Variants in RFX3 observed in about 807,000 individuals in gnomAD.
RFX3 encodes regulatory factor X3.
In RFX3, 14 loss-of-function variants were observed where a neutral mutation model predicts 98.6. The observed-to-expected ratio is 0.14, with a 90% CI of 0.09 to 0.22. The LOEUF is 0.22. Among genes scored for constraint, RFX3 ranks in the 10% least tolerant of loss-of-function variants. The probability of loss-of-function intolerance (pLI) is 1.00; values close to 1 mark genes in which losing one functional copy is unlikely to be tolerated. For synonymous variants in RFX3, 383 were observed against 328.4 expected (o/e 1.17, Z -1.80); for missense variants, 639 against 926.9 (o/e 0.69, Z 4.03).
intron 1 of RFX3, among the ~76,000 whole-genome samples, chr9:3,486,062 T>C (rs1587834668): frequency 6.9e-6 from 1 of 144,460 alleles, no homozygotes; most frequent in Middle Eastern, 3.6e-3. Context: ...GAGGCGGAGG[T>C]TGCAGTGAGC....
intron 1 of RFX3, among the ~76,000 whole-genome samples, chr9:3,448,787 T>G (rs767640530): frequency 1.1e-3 from 170 of 152,200 alleles, no homozygotes; most frequent in Non-Finnish European, 2.1e-3. Flanking sequence ...CCCAAAGCAC[T>G]GGGTTTGCAA....
intron 4 of RFX3, among the ~76,000 whole-genome samples, chr9:3,325,345 C>G (rs1831791005): frequency 6.6e-6 from 1 of 151,982 alleles, no homozygotes; most frequent in African/African-American, 2.4e-5. Flanking sequence ...CTAGGCCAAA[C>G]TTTTACTTAT....
At chr9:3,381,627 A>G (rs1839204496) in intron 2 of RFX3, among the ~76,000 whole-genome samples, 1 of 152,154 alleles carries the variant, frequency 6.6e-6, no homozygotes, top group Non-Finnish European at 1.5e-5. Context: ...TTAAGAATAT[A>G]ATTCCATTCA....
chr9:3,329,424 AAAAAC>A (rs1369764820), intron 4 of RFX3, among the ~76,000 whole-genome samples: 6 of 150,128 alleles, frequency 4.0e-5, no homozygotes, highest in South Asian at 2.1e-4. Context: ...AAAAAAAAAA[AAAAAC>A]AAAAAACCAC....
At chr9:3,246,129 TG>T (rs1199168648) in intron 15 of RFX3, among the ~76,000 whole-genome samples, 1 of 152,156 alleles carries the variant, frequency 6.6e-6, no homozygotes, top group African/African-American at 2.4e-5. Context: ...GGGTAAATAA[TG>T]GATGAGCATA....
chr9:3,319,109 A>G (rs930145425), intron 4 of RFX3, among the ~76,000 whole-genome samples: 2 of 152,256 alleles, frequency 1.3e-5, no homozygotes, highest in East Asian at 3.8e-4. Context: ...TGCATTTTGC[A>G]GTTTATTCTG....
chr9:3,503,655 C>G (rs529651532), intron 1 of RFX3, among the ~76,000 whole-genome samples: 1 of 152,122 alleles, frequency 6.6e-6, no homozygotes, highest in East Asian at 1.9e-4. Flanking sequence ...AATTTGCCTC[C>G]ATTAGTAACT....
intron 1 of RFX3, among the ~76,000 whole-genome samples, chr9:3,437,880 A>G (rs1332783975): frequency 6.6e-6 from 1 of 152,052 alleles, no homozygotes; most frequent in Non-Finnish European, 1.5e-5. Flanking sequence ...ATGCTTCTCA[A>G]TTTTTTGAAA....
At chr9:3,330,662 C>G in intron 3 of RFX3, 145 bp from the exon 4 acceptor site, 1 of 703,570 alleles carries the variant, frequency 1.4e-6, no homozygotes, top group East Asian at 2.7e-5. Context: ...AAACTTCATT[C>G]CCAGAAACAG....
chr9:3,383,922 T>TA (rs1188697539), intron 2 of RFX3, among the ~76,000 whole-genome samples: 3 of 151,988 alleles, frequency 2.0e-5, no homozygotes, highest in Non-Finnish European at 2.9e-5. Context: ...GCCCTGGATT[T>TA]AAAAAAAGGT....
At chr9:3,349,935 T>C (rs921663812) in intron 2 of RFX3, among the ~76,000 whole-genome samples, 2 of 152,068 alleles carry the variant, frequency 1.3e-5, no homozygotes, top group Non-Finnish European at 1.5e-5. Flanking sequence ...AATAAAATTG[T>C]AAACCTGTTT....
intron 1 of RFX3, among the ~76,000 whole-genome samples, chr9:3,460,017 G>C (rs1157217632): frequency 6.6e-6 from 1 of 150,938 alleles, no homozygotes; most frequent in Non-Finnish European, 1.5e-5. Context: ...ACATGATGGA[G>C]AAAAAAAAAC....
intron 1 of RFX3, among the ~76,000 whole-genome samples, chr9:3,426,793 C>A (rs1844080767): frequency 2.0e-5 from 3 of 152,122 alleles, no homozygotes; most frequent in African/African-American, 4.8e-5. Context: ...ACTCAGGGCT[C>A]CCACTGATTC....
intron 15 of RFX3, among the ~76,000 whole-genome samples, chr9:3,246,642 C>T (rs1340996075): frequency 2.0e-5 from 3 of 152,066 alleles, no homozygotes; most frequent in Non-Finnish European, 4.4e-5. Flanking sequence ...GTACTGAGTC[C>T]ACGTGCTACC....
At chr9:3,398,483 A>G (rs952661175) in intron 1 of RFX3, among the ~76,000 whole-genome samples, 2 of 152,214 alleles carry the variant, frequency 1.3e-5, no homozygotes, top group African/African-American at 2.4e-5. Flanking sequence ...AATGAACCAG[A>G]CATTAGATAT....
intron 1 of RFX3, among the ~76,000 whole-genome samples, chr9:3,396,668 GTGTTCC>G (rs1387300582): frequency 6.6e-6 from 1 of 152,134 alleles, no homozygotes; most frequent in African/African-American, 2.4e-5. Flanking sequence ...CAGTGTAAAA[GTGTTCC>G]TATTTCTCCA....
intron 4 of RFX3, among the ~76,000 whole-genome samples, chr9:3,329,407 C>CAAAAAAAAAAAAAAAAAAAAAAA (rs1202028884): frequency 3.1e-4 from 12 of 38,134 alleles, no homozygotes; most frequent in Non-Finnish European, 3.8e-4. Context: ...GACTTCATCT[C>CAAAAAAAAAAAAAAAAAAAAAAA]AAAAAAAAAA....
At chr9:3,304,966 G>A (rs942797431) in intron 4 of RFX3, among the ~76,000 whole-genome samples, 3 of 151,978 alleles carry the variant, frequency 2.0e-5, no homozygotes, top group Admixed American at 1.3e-4. Context: ...TGAAAACTGT[G>A]AACTCTCTAC....
At chr9:3,426,390 A>C (rs1844035511) in intron 1 of RFX3, among the ~76,000 whole-genome samples, 1 of 151,928 alleles carries the variant, frequency 6.6e-6, no homozygotes, top group Non-Finnish European at 1.5e-5. Context: ...ACTATAAATA[A>C]TTGATAACTA....
Sources: gnomAD v4.1 joint callset for allele counts (sites outside exome capture counted in the v4.1 genomes callset) on GRCh38, gnomAD v4.1.1 for gene constraint, MANE v1.5 for transcripts, NCBI Gene and HGNC (gene_info 2026-07-23, HGNC 2026-07-21) for gene names.